CIMAP1C: variants seen among roughly 807,000 people sequenced by gnomAD.
CIMAP1C encodes outer dense fiber of sperm tails 3 like 1.
At chr15:75,727,331 C>T in the CIMAP1C span, 2 of 1,614,124 alleles carry the variant, frequency 1.2e-6, no homozygotes, top group South Asian at 1.1e-5. Flanking sequence ...CACGTACGCC[C>T]GACCTGAGCC....
At chr15:75,727,276 G>A in the CIMAP1C span, 2 of 1,614,210 alleles carry the variant, frequency 1.2e-6, no homozygotes, top group Non-Finnish European at 1.7e-6. Context: ...CCAGGGACAA[G>A]AACTGGTTCT....
the CIMAP1C span, among the ~76,000 whole-genome samples, chr15:75,724,698 T>C: frequency 6.6e-6 from 1 of 152,222 alleles, no homozygotes; most frequent in African/African-American, 2.4e-5. Context: ...TACTGGATGA[T>C]GGTCTTAGAA....
the CIMAP1C span, chr15:75,724,107 G>A: frequency 3.8e-6 from 3 of 790,174 alleles, no homozygotes; most frequent in Non-Finnish European, 4.4e-6. Flanking sequence ...TCTGGGGTGG[G>A]GGATGGGGGG....
chr15:75,727,296 A>ATG, the CIMAP1C span: 1 of 1,614,186 alleles, frequency 6.2e-7, no homozygotes, highest in South Asian at 1.1e-5. Flanking sequence ...TACAAGGAGG[A>ATG]TGTGGCAGGA....
At chr15:75,724,887 A>T in the CIMAP1C span, among the ~76,000 whole-genome samples, 1 of 152,248 alleles carries the variant, frequency 6.6e-6, no homozygotes, top group Non-Finnish European at 1.5e-5. Flanking sequence ...AACTGTAACT[A>T]TTAGCTTCTT....
the CIMAP1C span, chr15:75,727,096 T>G: frequency 6.2e-7 from 1 of 1,613,796 alleles, no homozygotes; most frequent in Non-Finnish European, 8.5e-7. Flanking sequence ...AGTACTACTT[T>G]GAGAAGATCC....
At chr15:75,727,324 G>T in the CIMAP1C span, 4 of 1,614,106 alleles carry the variant, frequency 2.5e-6, no homozygotes, top group South Asian at 4.4e-5. Flanking sequence ...GACCTACCAC[G>T]TACGCCCGAC....
chr15:75,727,311 C>G, the CIMAP1C span: 3 of 1,614,168 alleles, frequency 1.9e-6, no homozygotes, highest in Admixed American at 3.3e-5. Context: ...GCAGGAGGCC[C>G]TGGACCTACC....
At chr15:75,724,151 C>A in the CIMAP1C span, 1 of 1,256,470 alleles carries the variant, frequency 8.0e-7, no homozygotes, top group Non-Finnish European at 1.2e-6. Context: ...CCCTTGACTG[C>A]TGTTTAGACC....
chr15:75,726,730 C>T, the CIMAP1C span, among the ~76,000 whole-genome samples: 19 of 152,130 alleles, frequency 1.2e-4, no homozygotes, highest in Non-Finnish European at 2.4e-4. Flanking sequence ...ATTCTCCTGC[C>T]TCAGCCTTCT....
the CIMAP1C span, chr15:75,724,231 T>G: frequency 6.2e-7 from 1 of 1,614,086 alleles, no homozygotes; most frequent in Non-Finnish European, 8.5e-7. Flanking sequence ...AGGAGCTCTG[T>G]GTACTTTGCA....
the CIMAP1C span, among the ~76,000 whole-genome samples, chr15:75,724,572 C>G: frequency 6.6e-6 from 1 of 152,242 alleles, no homozygotes; most frequent in Non-Finnish European, 1.5e-5. Flanking sequence ...GCTTTCCTCA[C>G]TTCCCTTCAA....
the CIMAP1C span, chr15:75,726,212 T>TGGGGGGTG: frequency 5.0e-5 from 25 of 495,094 alleles, no homozygotes; most frequent in Admixed American, 2.2e-4. Flanking sequence ...GTTGGGAGGT[T>TGGGGGGTG]GGGGGGTGGG....
the CIMAP1C span, among the ~76,000 whole-genome samples, chr15:75,725,494 G>A: frequency 5.3e-5 from 8 of 152,200 alleles, no homozygotes; most frequent in East Asian, 3.8e-4. Flanking sequence ...CTTCAGCTCC[G>A]GTCGCCATGC....
the CIMAP1C span, chr15:75,724,469 G>A: frequency 1.5e-6 from 1 of 652,306 alleles, no homozygotes; most frequent in African/African-American, 1.8e-5. Flanking sequence ...GTTGGCTGCT[G>A]GGATTGTCCA....
the CIMAP1C span, chr15:75,725,218 C>T: frequency 3.7e-6 from 6 of 1,603,528 alleles, no homozygotes; most frequent in South Asian, 1.1e-5. Flanking sequence ...CTCAGAGAAG[C>T]GTGAGCGTTG....
the CIMAP1C span, among the ~76,000 whole-genome samples, chr15:75,726,892 G>A: frequency 6.6e-6 from 1 of 152,116 alleles, no homozygotes; most frequent in Non-Finnish European, 1.5e-5. Context: ...GGGATTGCAG[G>A]TGTGAGCCAC....
the CIMAP1C span, chr15:75,725,242 C>T: frequency 6.7e-7 from 1 of 1,497,764 alleles, no homozygotes; most frequent in East Asian, 2.3e-5. Context: ...CCCCAGTCAT[C>T]CGGCTGGGGT....
chr15:75,727,644 T>C, the CIMAP1C span: 6 of 1,147,574 alleles, frequency 5.2e-6, no homozygotes, highest in East Asian at 1.2e-4. Context: ...CGGTACCTGC[T>C]GAGTGTCCGG....
Sources: allele counts gnomAD v4.1 joint callset (sites outside exome capture counted in the v4.1 genomes callset), GRCh38; gene constraint gnomAD v4.1.1; transcripts MANE v1.5; gene names NCBI Gene and HGNC (gene_info 2026-07-23, HGNC 2026-07-21).